ZFPM1: variants seen among roughly 807,000 people sequenced by gnomAD.
The protein encoded by ZFPM1 is zinc finger protein, FOG family member 1, also known as zinc finger protein ZFPM1.
A neutral mutation model predicts 46.3 loss-of-function variants in ZFPM1; 28 were observed. The ratio of observed to expected loss-of-function variants is 0.60; its 90% CI spans 0.45 to 0.83. ZFPM1 has a LOEUF of 0.83. Ranked by LOEUF, ZFPM1 falls within the 40% of genes least tolerant of loss-of-function variation. ZFPM1 has a pLI of 0.00. For synonymous variants in ZFPM1, 957 were observed against 675.9 expected (o/e 1.42, Z -6.45); for missense variants, 1,878 against 1,432.4 (o/e 1.31, Z -5.02).
chr16:88,526,575 G>A (rs547293928), intron 4 of ZFPM1, among the ~76,000 whole-genome samples: 1 of 152,324 alleles, frequency 6.6e-6, no homozygotes, highest in East Asian at 1.9e-4. Flanking sequence ...AACCCTGGAA[G>A]GTACTACTCC....
chr16:88,533,541 A>G lies in ZFPM1; in HGVS notation c.1583A>G (p.Gln528Arg). 2 of 1,467,222 alleles carry G rather than the reference A, an allele frequency of 1.4e-6. No individual in the cohort carries two copies. Among genetic ancestry groups the G allele is most frequent in the Non-Finnish European group, 1.8e-6 (2 of 1,111,648 alleles). 90.9% of individuals were successfully genotyped at this position (1,467,222 alleles called of 1,614,324 possible). ...LGLAGALFLP[Q>R]YVFGPDAAPP... Reference sequence around the variant, plus strand: ...CTGGCCGGGGCCCTGTTCCTTCCGCAGTACGTGTTCGGGCCCGACGCGGCG... The same window carrying G: ...CTGGCCGGGGCCCTGTTCCTTCCGCGGTACGTGTTCGGGCCCGACGCGGCG... Residue 528 changes from glutamine (Q) to arginine (R), a missense_variant, in exon 10 of 10, where the codon CAG (glutamine) becomes CGG (arginine). Physicochemically the swap from Gln to Arg is conservative, Grantham distance 43 (BLOSUM62 1). Coordinates refer to ENST00000319555, the MANE Select transcript of ZFPM1 (RefSeq NM_153813.3).
At chr16:88,476,452 C>T (rs1269226703) in intron 1 of ZFPM1, among the ~76,000 whole-genome samples, 3 of 151,944 alleles carry the variant, frequency 2.0e-5, no homozygotes, top group Non-Finnish European at 4.4e-5. Context: ...GCAGGGCGGC[C>T]ATCGTGGGAA....
intron 1 of ZFPM1, among the ~76,000 whole-genome samples, chr16:88,481,837 G>A (rs1366853442): frequency 2.6e-5 from 4 of 152,154 alleles, no homozygotes; most frequent in African/African-American, 7.2e-5. Context: ...GCTGAGCACC[G>A]CCCGTCCAGT....
intron 9 of ZFPM1, 65 bp downstream of exon 9, chr16:88,533,000 C>G (rs535116281): frequency 1.9e-6 from 3 of 1,596,268 alleles, no homozygotes; most frequent in Non-Finnish European, 2.6e-6. Flanking sequence ...AGGGAGTGGG[C>G]TTGTCGCCCA....
In ZFPM1 at chr16:88,534,163, C is replaced by T; in HGVS notation, c.2205C>T (p.Ala735=). The change falls in exon 10 of 10, where the codon GCC becomes GCT. Residue 735 remains alanine, a synonymous_variant. Transcript: ENST00000319555. ...CCGCGCCCCCGGCCCCCTCTCCCGCCGCGCCTGTGCGCACGCGCAGACGCC... is the reference window on the plus strand; with the variant it reads ...CCGCGCCCCCGGCCCCCTCTCCCGCTGCGCCTGTGCGCACGCGCAGACGCC... ...GPAAPPAPSP[A]APVRTRRRRK... 5.0e-6 allele frequency: 5 copies of T among 997,432 alleles called. No individual in the cohort carries two copies. The highest frequency in any genetic ancestry group is 5.9e-6 in the Non-Finnish European group (5 of 840,440). 61.8% of individuals were successfully genotyped at this position (997,432 alleles called of 1,614,324 possible). A position where few individuals can be genotyped will look rare whatever the true frequency, so the allele number is the denominator to read the frequency against.
chr16:88,485,951 A>G lies in ZFPM1; in HGVS notation c.53A>G (p.Asp18Gly). The G allele has an allele frequency of 1.2e-6, 2 of 1,612,822 alleles. No homozygotes were observed. Among genetic ancestry groups the G allele is most frequent in the South Asian group, 1.1e-5 (1 of 91,066 alleles). Reference protein sequence around the residue: ...NPRQIKRSLGDMEAREEVQLV... With the variant: ...NPRQIKRSLGGMEAREEVQLV... ...CTTGTGTCCACAGGTTCCCTCGGAGACATGGAGGCCAGAGAGGAGGTGCAG... is the reference window on the plus strand; with the variant it reads ...CTTGTGTCCACAGGTTCCCTCGGAGGCATGGAGGCCAGAGAGGAGGTGCAG... The change falls in exon 2 of 10, where the codon GAC (aspartate) becomes GGC (glycine). Residue 18 changes from aspartate (D) to glycine (G), a missense_variant. Coordinates refer to ENST00000319555, the MANE Select transcript of ZFPM1 (RefSeq NM_153813.3).
rs746930867 is a variant in ZFPM1 at position 88,518,934 on chromosome 16, G to T, written c.402+4414G>T. Among the ~76,000 whole-genome samples the T allele has an allele frequency of 4.0e-5, 6 of 148,966 alleles. No individual in the cohort carries two copies. The East Asian group carries it at 1.0e-3, about 25-fold the overall frequency. ...TGGATAGTGGGTAGATGGATGGATG[G>T]TTGGGTAGCTAGCTGGTGGATAAGT... is the stretch of plus-strand genomic sequence containing the variant. On this transcript the variant is annotated intron_variant, in intron 4 of 9. Coordinates refer to ENST00000319555, the MANE Select transcript of ZFPM1 (RefSeq NM_153813.3).
intron 1 of ZFPM1, among the ~76,000 whole-genome samples, chr16:88,459,283 G>A (rs1274199060): frequency 3.3e-5 from 5 of 152,134 alleles, no homozygotes; most frequent in African/African-American, 9.7e-5. Context: ...TGGGCCTCCC[G>A]GAACTCTGTC....
chr16:88,468,500 G>A (rs1597231622), intron 1 of ZFPM1, among the ~76,000 whole-genome samples: 1 of 152,284 alleles, frequency 6.6e-6, no homozygotes, highest in Non-Finnish European at 1.5e-5. Flanking sequence ...CGGCCTCTTG[G>A]CTGTACGACC....
chr16:88,523,921 C>G (rs377441633), intron 4 of ZFPM1, among the ~76,000 whole-genome samples: 17 of 152,200 alleles, frequency 1.1e-4, no homozygotes, highest in African/African-American at 3.9e-4. Context: ...CGGGGCCGGG[C>G]GGGAACATGG....
Position 88,479,692 on chromosome 16 carries a change from G to C in ZFPM1, c.41-6247G>C, listed in dbSNP as rs558693305. On this transcript the variant is annotated intron_variant, in intron 1 of 9. Coordinates refer to ENST00000319555, the MANE Select transcript of ZFPM1 (RefSeq NM_153813.3). ...CCAGGTTCTCCCTCCTGGCAATGCTGTGACCCCCCCCCACCCACCTGCTAC... is the reference window on the plus strand; with the variant it reads ...CCAGGTTCTCCCTCCTGGCAATGCTCTGACCCCCCCCCACCCACCTGCTAC... 4.6e-5 allele frequency among the ~76,000 whole-genome samples: 7 copies of C among 151,856 alleles called. No homozygotes were observed. In the East Asian group the frequency reaches 1.4e-3, roughly 30 times the overall value.
rs565504726 is a variant in ZFPM1, at chr16:88,471,219, G to A, written c.41-14720G>A. Among the ~76,000 whole-genome samples, 7 of 152,354 alleles carry A rather than the reference G, an allele frequency of 4.6e-5. No individual in the cohort carries two copies. The highest frequency in any genetic ancestry group is 1.2e-4 in the African/African-American group (5 of 41,584). Reference sequence around the variant, plus strand: ...GGCACTGAGAATTCAGACAAGAGCCGGACTCCCTGAGCTCCCAACCAGCTG... The same window carrying A: ...GGCACTGAGAATTCAGACAAGAGCCAGACTCCCTGAGCTCCCAACCAGCTG... On this transcript the variant is annotated intron_variant, in intron 1 of 9. Transcript: ENST00000319555. This position sits in a 1 kb window ranked among gnomAD's most constrained non-coding sequence, Gnocchi z 4.1.
rs1040211285 is a variant in ZFPM1, at chr16:88,471,415, T to TG, written c.41-14517dup. Among the ~76,000 whole-genome samples, 1 of 149,702 alleles carries TG rather than the reference T, an allele frequency of 6.7e-6. No homozygotes were observed. Among genetic ancestry groups the TG allele is most frequent in the African/African-American group, 2.5e-5 (1 of 39,678 alleles). On this transcript the variant is annotated intron_variant, in intron 1 of 9. Coordinates refer to ENST00000319555, the MANE Select transcript of ZFPM1 (RefSeq NM_153813.3). This position sits in a 1 kb window ranked among gnomAD's most constrained non-coding sequence, Gnocchi z 4.1. Reference sequence around the variant, plus strand: ...TGCCCACAGTGGCTCCCACGCATAGTGGGGGGGCCAAGACCCCAAGATGAC... The same window carrying TG: ...TGCCCACAGTGGCTCCCACGCATAGTGGGGGGGGCCAAGACCCCAAGATGAC...
At chr16:88,493,820 C>T (rs1173955862) in intron 3 of ZFPM1, among the ~76,000 whole-genome samples, 1 of 152,154 alleles carries the variant, frequency 6.6e-6, no homozygotes, top group Non-Finnish European at 1.5e-5. Context: ...ATCAGGGAGG[C>T]ACTCAGTGGG....
rs781044513 is a variant in ZFPM1, at chr16:88,532,725, GC to G, written c.1042+18del. 58 of 1,612,174 alleles carry G rather than the reference GC, an allele frequency of 3.6e-5. No individual in the cohort carries two copies. Among genetic ancestry groups the G allele is most frequent in the Non-Finnish European group, 4.4e-5 (52 of 1,179,558 alleles). On this transcript the variant is annotated intron_variant, in intron 8 of 9. Transcript: ENST00000319555. ...ACGCTGAGCGGTAGGCACCGCAGGG[GC>G]CGGGGGGTGTGTGGGTCCCGCCTCC... is the stretch of plus-strand genomic sequence containing the variant.
intron 1 of ZFPM1, among the ~76,000 whole-genome samples, chr16:88,456,982 C>A (rs182855991): frequency 6.6e-6 from 1 of 152,324 alleles, no homozygotes; most frequent in East Asian, 1.9e-4. Context: ...GCAGCTGCTG[C>A]AGCTCAGAAC....
At position 88,534,511 on chromosome 16, in the gene ZFPM1, G is replaced by A. The variant is rs746577408; in HGVS notation, c.2553G>A (p.Leu851=). 2 of 1,443,008 alleles carry A rather than the reference G, an allele frequency of 1.4e-6. No homozygotes were observed. Among genetic ancestry groups the A allele is most frequent in the Admixed American group, 5.0e-5 (2 of 39,610 alleles). The allele number at this position is 1,443,008 out of a possible 1,614,324, so 89.4% of individuals were successfully genotyped here. A position where few individuals can be genotyped will look rare whatever the true frequency, so the allele number is the denominator to read the frequency against. ...CGCCACCGCCCGGCGCGCTCGGCCT[G>A]CCCGCCGCCGCCTGCCCCTACTGCC... is the stretch of plus-strand genomic sequence containing the variant. ...PAAPPPGALG[L]PAAACPYCPP... The change falls in exon 10 of 10, where the codon CTG becomes CTA. Residue 851 remains leucine (L), a synonymous_variant. Coordinates refer to ENST00000319555, the MANE Select transcript of ZFPM1 (RefSeq NM_153813.3).
chr16:88,504,432 C>T (rs906181077), intron 3 of ZFPM1, among the ~76,000 whole-genome samples: 5 of 152,094 alleles, frequency 3.3e-5, no homozygotes, highest in Non-Finnish European at 5.9e-5. Flanking sequence ...ACTTCCCAGG[C>T]GGGAAGACCA....
At position 88,534,202 on chromosome 16, in the gene ZFPM1, G is replaced by T. The variant is rs1913071193; in HGVS notation, c.2244G>T (p.Glu748Asp). 3 of 982,894 alleles carry T rather than the reference G, an allele frequency of 3.1e-6. No homozygotes were observed. The highest frequency in any genetic ancestry group is 3.6e-6 in the Non-Finnish European group (3 of 830,560). 60.9% of individuals were successfully genotyped at this position (982,894 alleles called of 1,614,324 possible). A position where few individuals can be genotyped will look rare whatever the true frequency, so the allele number is the denominator to read the frequency against. The part of the protein sequence containing the change: ...VRTRRRRKLY[E>D]LHAAGAPPPP... ...CGCGCAGACGCCGCAAGCTCTACGA[G>T]CTGCACGCGGCCGGCGCCCCGCCCC... Residue 748 changes from glutamate (E) to aspartate (D), a missense_variant, in exon 10 of 10, where the codon GAG (glutamate) becomes GAT (aspartate). By Grantham distance (45) the Glu-to-Asp change is conservative. Coordinates refer to ENST00000319555, the MANE Select transcript of ZFPM1 (RefSeq NM_153813.3).
Sources: gnomAD v4.1 joint callset for allele counts (sites outside exome capture counted in the v4.1 genomes callset) on GRCh38, gnomAD v4.1.1 for gene constraint, Gnocchi (gnomAD v3.1) non-coding constraint, MANE v1.5 for transcripts, NCBI Gene and HGNC (gene_info 2026-07-23, HGNC 2026-07-21) for gene names.